IKZF2: variants seen among roughly 807,000 people sequenced by gnomAD.
IKZF2 encodes the protein zinc finger protein Helios.
IKZF2 carries 15 observed loss-of-function variants against 49.2 expected under a neutral mutation model. That is an observed-to-expected ratio of 0.30 (90% CI 0.20 to 0.47). The LOEUF (loss-of-function observed/expected upper bound fraction) is 0.47. Ranked by LOEUF, IKZF2 falls within the 20% of genes least tolerant of loss-of-function variation. The probability of loss-of-function intolerance (pLI) is 1.00; values close to 1 mark genes in which losing one functional copy is unlikely to be tolerated. For missense variants in IKZF2, 567 were observed against 664.6 expected, an observed-to-expected ratio of 0.85 and a Z score of 1.61; for synonymous variants, 227 against 221.4, an observed-to-expected ratio of 1.03 and a Z score of -0.23.
At chr2:213,146,157 A>G (rs1000139729) in intron 4 of IKZF2, among the ~76,000 whole-genome samples, 5 of 152,090 alleles carry the variant, frequency 3.3e-5, no homozygotes, top group Admixed American at 2.0e-4. Context: ...AACTAATAGA[A>G]ACTACATATT....
At chr2:213,052,487 G>A (rs1238869665) in intron 5 of IKZF2, among the ~76,000 whole-genome samples, 1 of 151,826 alleles carries the variant, frequency 6.6e-6, no homozygotes, top group Admixed American at 6.6e-5. Flanking sequence ...CTAATTTTAT[G>A]GCTTTCCTCA....
chr2:213,061,927 C>A (rs1329472777), intron 4 of IKZF2, among the ~76,000 whole-genome samples: 1 of 151,250 alleles, frequency 6.6e-6, no homozygotes, highest in Non-Finnish European at 1.5e-5. Context: ...TCTTTAAAAC[C>A]TGGACATTTT....
At chr2:213,070,361 A>C (rs1353876829) in intron 4 of IKZF2, among the ~76,000 whole-genome samples, 1 of 152,122 alleles carries the variant, frequency 6.6e-6, no homozygotes, top group African/African-American at 2.4e-5. Flanking sequence ...AATCCTGAAG[A>C]ATAGCTTTTA....
chr2:213,018,135 G>A (rs569189288), intron 7 of IKZF2, among the ~76,000 whole-genome samples: 3 of 152,006 alleles, frequency 2.0e-5, no homozygotes, highest in Non-Finnish European at 4.4e-5. Context: ...GGTAAAACAG[G>A]TAATAACATA....
rs374170207 is a variant in IKZF2, at chr2:213,034,450, A to G, written c.575-12320T>C. 1.9e-4 allele frequency among the ~76,000 whole-genome samples: 29 copies of G among 152,310 alleles called. 1 individual carries two copies. The highest frequency in any genetic ancestry group is 6.3e-4 in the African/African-American group (26 of 41,580). ...CTTTTGATTTAAAGTGAGAAATGTG[A>G]GTCTTCCTTTAACTTGAACACTTAG... On this transcript the variant is annotated intron_variant, in intron 6 of 8. Coordinates refer to ENST00000434687, the MANE Select transcript of IKZF2 (RefSeq NM_001387220.1).
chr2:213,132,458 A>G (rs2060505875), intron 4 of IKZF2, among the ~76,000 whole-genome samples: 1 of 152,154 alleles, frequency 6.6e-6, no homozygotes. Flanking sequence ...ATCCTTTTAA[A>G]CTGAATATTC....
chr2:213,111,522 G>C (rs1290530472), intron 4 of IKZF2, among the ~76,000 whole-genome samples: 1 of 151,946 alleles, frequency 6.6e-6, no homozygotes, highest in African/African-American at 2.4e-5. Flanking sequence ...TGCAAAAAGT[G>C]ATTATTTTAT....
intron 6 of IKZF2, among the ~76,000 whole-genome samples, chr2:213,033,913 T>C (rs553597390): frequency 9.2e-5 from 14 of 152,354 alleles, no homozygotes; most frequent in South Asian, 6.2e-4. Flanking sequence ...CTTCTTCTAA[T>C]AGAAGGCTGT....
At chr2:213,085,041 T>C (rs527859523) in intron 4 of IKZF2, among the ~76,000 whole-genome samples, 2 of 152,336 alleles carry the variant, frequency 1.3e-5, no homozygotes, top group Admixed American at 6.5e-5. Flanking sequence ...AGAACAATCT[T>C]ATTCATCTCT....
chr2:213,047,362 A>C (rs1700247964), intron 6 of IKZF2, among the ~76,000 whole-genome samples: 1 of 152,126 alleles, frequency 6.6e-6, no homozygotes, highest in Non-Finnish European at 1.5e-5. Flanking sequence ...TATGGTTGCC[A>C]GCTGGGAGGA....
intron 4 of IKZF2, among the ~76,000 whole-genome samples, chr2:213,118,514 TA>T (rs2125817601): frequency 6.6e-6 from 1 of 152,256 alleles, no homozygotes; most frequent in African/African-American, 2.4e-5. Flanking sequence ...AAAACAAAAG[TA>T]AAAAACACTA....
intron 6 of IKZF2, among the ~76,000 whole-genome samples, chr2:213,046,127 C>G (rs1003387581): frequency 6.6e-6 from 1 of 152,110 alleles, no homozygotes; most frequent in African/African-American, 2.4e-5. Context: ...TCCTTACTTG[C>G]TAATGAACTT....
chr2:213,124,252 G>GCGCGCGCGCGCA (rs1270409984), intron 4 of IKZF2, among the ~76,000 whole-genome samples: 14 of 136,318 alleles, frequency 1.0e-4, no homozygotes, highest in East Asian at 8.0e-4. Flanking sequence ...GCGCGCGCGC[G>GCGCGCGCGCGCA]CACACACACA....
intron 8 of IKZF2, 78 bp downstream of exon 8, chr2:213,013,713 A>C (rs921240452): frequency 1.9e-5 from 24 of 1,279,080 alleles, no homozygotes; most frequent in Non-Finnish European, 2.4e-5. Flanking sequence ...CACACCATAT[A>C]TATTTCTAAT....
In IKZF2 at chr2:213,013,939, A is replaced by G. The variant is rs540324030; in HGVS notation, c.713-5T>C. On this transcript the variant is annotated splice_polypyrimidine_tract_variant and splice_region_variant and intron_variant, in intron 7 of 8. Coordinates refer to ENST00000434687, the MANE Select transcript of IKZF2 (RefSeq NM_001387220.1). ...TACAATCTTCCATAGGAGGTACTAT[A>G]CAAAACCATAGAAAAATGCAATCTG... 2 of 1,609,446 alleles carry G rather than the reference A, an allele frequency of 1.2e-6. No homozygotes were observed. The highest frequency in any genetic ancestry group is 2.2e-5 in the South Asian group (2 of 90,634).
At chr2:213,098,681 A>G (rs962472244) in intron 4 of IKZF2, among the ~76,000 whole-genome samples, 2 of 152,178 alleles carry the variant, frequency 1.3e-5, no homozygotes, top group East Asian at 1.9e-4. Context: ...AAAAATATAT[A>G]GGAATAGAAT....
chr2:213,007,839 T>C lies in IKZF2; in HGVS notation c.1102A>G (p.Ile368Val). The change falls in exon 9 of 9, where the codon ATT becomes GTT. Residue 368 changes from isoleucine to valine, a missense_variant. Transcript: ENST00000434687. The part of the protein sequence containing the change: ...VYHPNRIERP[I>V]SRETADSHEN... The stretch of plus-strand genomic sequence containing the variant: ...TGACTATCAGCAGTTTCCCTGCTAA[T>C]GGGTCTTTCTATCCTATTTGGATGA... 1 of 1,613,644 alleles carries C rather than the reference T, an allele frequency of 6.2e-7. No homozygotes were observed. The highest frequency in any genetic ancestry group is 1.1e-5 in the South Asian group (1 of 91,084).
chr2:213,048,327 A>C (rs1015007568), intron 6 of IKZF2, among the ~76,000 whole-genome samples: 8 of 152,120 alleles, frequency 5.3e-5, no homozygotes, highest in African/African-American at 1.4e-4. Context: ...TAAAAACAAC[A>C]TGATTTCAAC....
At chr2:213,108,006 C>T (rs756079748) in intron 4 of IKZF2, among the ~76,000 whole-genome samples, 20 of 152,052 alleles carry the variant, frequency 1.3e-4, no homozygotes, top group Non-Finnish European at 2.8e-4. Flanking sequence ...CAACAACGGC[C>T]GTGAAACCCT....
Sources: gnomAD v4.1 joint callset for allele counts (sites outside exome capture counted in the v4.1 genomes callset) on GRCh38, gnomAD v4.1.1 for gene constraint, MANE v1.5 for transcripts, NCBI Gene and HGNC (gene_info 2026-07-23, HGNC 2026-07-21) for gene names.